Variants in PPIP5K2 observed in about 807,000 individuals in gnomAD.
PPIP5K2 encodes diphosphoinositol pentakisphosphate kinase 2, also known as inositol hexakisphosphate and diphosphoinositol-pentakisphosphate kinase 2.
Under a neutral mutation model 154.6 loss-of-function variants are expected in PPIP5K2, and 105 were observed. The ratio of observed to expected loss-of-function variants is 0.68; its 90% CI spans 0.58 to 0.80. PPIP5K2 has a LOEUF of 0.80. Ranked by LOEUF, PPIP5K2 falls within the 30% of genes least tolerant of loss-of-function variation. The pLI is 0.00. For synonymous variants in PPIP5K2, 480 were observed against 490.3 expected (o/e 0.98, Z 0.28); for missense variants, 992 against 1,504.6 (o/e 0.66, Z 5.64).
intron 1 of PPIP5K2, among the ~76,000 whole-genome samples, chr5:103,121,173 A>G (rs782198461): frequency 8.6e-5 from 9 of 104,238 alleles, no homozygotes; most frequent in Admixed American, 5.7e-4. Context: ...TGACCTTAGC[A>G]CGTAAAATCC....
Position 103,149,198 on chromosome 5 carries a change from C to G in PPIP5K2, c.791C>G (p.Ser264Cys). ...PDYAHAEARK[S>C]PALDGKVERD... The stretch of plus-strand genomic sequence containing the variant: ...TATGCCCATGCTGAAGCTCGAAAAT[C>G]TCCAGCACTTGATGGCAAGGTGGAA... The change falls in exon 8 of 31, where the codon TCT (serine) becomes TGT (cysteine). Residue 264 changes from serine (S) to cysteine (C), a missense_variant. Ser to Cys is a moderately radical substitution (Grantham distance 112). This residue lies in a region of PPIP5K2 where 51 missense variants were observed against 152.2 expected (regional missense o/e 0.33). Transcript: ENST00000358359. 3 of 1,613,960 alleles carry G rather than the reference C, an allele frequency of 1.9e-6. No individual in the cohort carries two copies. Among genetic ancestry groups the G allele is most frequent in the Non-Finnish European group, 2.5e-6 (3 of 1,179,912 alleles).
intron 19 of PPIP5K2, among the ~76,000 whole-genome samples, chr5:103,171,121 A>T (rs1554219440): frequency 6.6e-6 from 1 of 151,492 alleles, no homozygotes; most frequent in African/African-American, 2.4e-5. Flanking sequence ...AATGATGCAT[A>T]TGGTCTATTT....
intron 25 of PPIP5K2, 43 bp from the exon 26 acceptor site, chr5:103,184,629 T>G (rs782671730): frequency 6.8e-7 from 1 of 1,480,280 alleles, no homozygotes; most frequent in Non-Finnish European, 9.4e-7. Flanking sequence ...CTTATGAATT[T>G]ATTTTACTCT....
chr5:103,170,579 T>C (rs1388775411), intron 19 of PPIP5K2, among the ~76,000 whole-genome samples: 1 of 151,508 alleles, frequency 6.6e-6, no homozygotes, highest in Non-Finnish European at 1.5e-5. Context: ...GATTATTTTA[T>C]AAATTGAGGA....
intron 7 of PPIP5K2, among the ~76,000 whole-genome samples, chr5:103,148,870 G>A (rs892240516): frequency 1.3e-5 from 2 of 151,824 alleles, no homozygotes; most frequent in East Asian, 3.9e-4. Context: ...TTTGAGGAGA[G>A]CGATCACATT....
At chr5:103,170,472 T>C (rs1562462596) in intron 19 of PPIP5K2, among the ~76,000 whole-genome samples, 2 of 151,642 alleles carry the variant, frequency 1.3e-5, no homozygotes, top group Non-Finnish European at 3.0e-5. Flanking sequence ...ACTCTTCAGA[T>C]AAAATTATGC....
At chr5:103,183,504 A>G (rs1238981175) in intron 25 of PPIP5K2, 97 bp downstream of exon 25, 2 of 1,021,596 alleles carry the variant, frequency 2.0e-6, no homozygotes, top group African/African-American at 3.4e-5. Context: ...ATTTCACATC[A>G]GAGTAAATCC....
intron 29 of PPIP5K2, 109 bp from the exon 30 acceptor site, chr5:103,194,791 G>T: frequency 8.1e-7 from 1 of 1,234,870 alleles, no homozygotes; most frequent in Non-Finnish European, 1.1e-6. Context: ...ATTTTCTTCT[G>T]TTATTATGAA....
intron 5 of PPIP5K2, among the ~76,000 whole-genome samples, chr5:103,141,021 G>C (rs1272228375): frequency 6.6e-6 from 1 of 151,868 alleles, no homozygotes; most frequent in Non-Finnish European, 1.5e-5. Context: ...CAATCTGATA[G>C]AAAAAGACGT....
intron 28 of PPIP5K2, chr5:103,189,349 G>A (rs1800870645): frequency 3.0e-6 from 2 of 656,980 alleles, no homozygotes; most frequent in Non-Finnish European, 2.4e-6. Flanking sequence ...GTAGTCTAGA[G>A]GAACTTAATT....
intron 28 of PPIP5K2, among the ~76,000 whole-genome samples, chr5:103,188,046 T>G (rs1375022156): frequency 6.6e-6 from 1 of 152,148 alleles, no homozygotes; most frequent in African/African-American, 2.4e-5. Context: ...GGACTCCTGA[T>G]AGGAAGAAGA....
At chr5:103,121,984 G>T (rs1788831543) in intron 1 of PPIP5K2, among the ~76,000 whole-genome samples, 1 of 152,154 alleles carries the variant, frequency 6.6e-6, no homozygotes, top group Non-Finnish European at 1.5e-5. Context: ...AGGAATTGTG[G>T]TTATGTAGGA....
rs1795713031 is a variant in PPIP5K2, at chr5:103,158,200, A to T, written c.1502A>T (p.Glu501Val). 6.2e-7 allele frequency: 1 copy of T among 1,613,092 alleles called. No individual in the cohort carries two copies. Among genetic ancestry groups the T allele is most frequent in the Non-Finnish European group, 8.5e-7 (1 of 1,179,162 alleles). Residue 501 changes from glutamate (E) to valine (V), a missense_variant, in exon 15 of 31, where the codon GAA (glutamate) becomes GTA (valine). By Grantham distance (121) the Glu-to-Val change is moderately radical. Around this residue, in one of 9 missense-constraint regions of PPIP5K2, gnomAD observed 163 missense variants for 285.2 expected, o/e 0.57. Transcript: ENST00000358359. ...ATATGTGTCATAGACAGCCGAAGAG[A>T]AGAACCATCTTTACTTTTGGTTCTA... is the stretch of plus-strand genomic sequence containing the variant. ...TSSEEEDSRR[E>V]EPSLLLVLKW...
At chr5:103,164,596 C>G (rs181037690) in intron 17 of PPIP5K2, among the ~76,000 whole-genome samples, 11 of 152,090 alleles carry the variant, frequency 7.2e-5, no homozygotes, top group African/African-American at 2.6e-4. Context: ...ATTCTAGGCT[C>G]ACTTTCTGGA....
At chr5:103,165,120 A>T (rs530023290) in intron 17 of PPIP5K2, among the ~76,000 whole-genome samples, 2 of 152,268 alleles carry the variant, frequency 1.3e-5, no homozygotes, top group South Asian at 2.1e-4. Flanking sequence ...ATGTTAACAG[A>T]GTCAGCAGAT....
chr5:103,184,715 T>C lies in PPIP5K2; in HGVS notation c.3140T>C (p.Leu1047Pro). 2 of 1,612,924 alleles carry C rather than the reference T, an allele frequency of 1.2e-6. No homozygotes were observed. The highest frequency in any genetic ancestry group is 2.2e-5 in the East Asian group (1 of 44,798). ...NANYLRTPRT[L>P]VEQKQNPTVG... Reference sequence around the variant, plus strand: ...AATTACCTGAGAACACCAAGAACTCTTGTGGAACAGAAGCAGAATCCTACT... The same window carrying C: ...AATTACCTGAGAACACCAAGAACTCCTGTGGAACAGAAGCAGAATCCTACT... Residue 1047 changes from leucine (L) to proline (P), a missense_variant, in exon 26 of 31, where the codon CTT becomes CCT. Around this residue, in one of 9 missense-constraint regions of PPIP5K2, gnomAD observed 204 missense variants for 224.0 expected, o/e 0.91. Coordinates refer to ENST00000358359, the MANE Select transcript of PPIP5K2 (RefSeq NM_001276277.3).
chr5:103,141,402 G>C (rs979918284), intron 5 of PPIP5K2, among the ~76,000 whole-genome samples: 1 of 151,744 alleles, frequency 6.6e-6, no homozygotes, highest in Non-Finnish European at 1.5e-5. Flanking sequence ...GGAGTTGTTC[G>C]TTCCTCCCGG....
At chr5:103,177,843 A>G in intron 22 of PPIP5K2, 21 bp from the exon 23 acceptor site, 1 of 1,601,762 alleles carries the variant, frequency 6.2e-7, no homozygotes, top group Non-Finnish European at 8.5e-7. Context: ...CATTTTGAAA[A>G]TGTTCTGTCA....
intron 14 of PPIP5K2, 84 bp downstream of exon 14, chr5:103,156,078 C>T: frequency 1.1e-6 from 1 of 927,016 alleles, no homozygotes; most frequent in Non-Finnish European, 1.7e-6. Context: ...CCATCTTTTG[C>T]TTAGTAGTTT....
Sources: gnomAD v4.1 joint callset for allele counts (sites outside exome capture counted in the v4.1 genomes callset) on GRCh38, gnomAD v4.1.1 for gene constraint, gnomAD v4.1.1 regional missense constraint, MANE v1.5 for transcripts, NCBI Gene and HGNC (gene_info 2026-07-23, HGNC 2026-07-21) for gene names.